The following DMD variants were observed in gnomAD, a reference collection of about 807,000 sequenced individuals.
The protein encoded by DMD is mutant dystrophin.
DMD carries 63 observed loss-of-function variants against 330.1 expected under a neutral mutation model. The observed-to-expected ratio is 0.19, with a 90% CI of 0.16 to 0.24. The LOEUF is 0.24. DMD is among the 10% of genes least tolerant of loss of function. The probability of loss-of-function intolerance (pLI) is 1.00; values close to 1 mark genes in which losing one functional copy is unlikely to be tolerated. For synonymous variants in DMD, 1,223 were observed against 959.8 expected, an observed-to-expected ratio of 1.27 and a Z score of -5.07; for missense variants, 3,344 against 2,684.1, an observed-to-expected ratio of 1.25 and a Z score of -5.43.
At chrX:32,776,753 T>C (rs1245120720) in intron 7 of DMD, among the ~76,000 whole-genome samples, 2 of 111,828 alleles carry the variant, frequency 1.8e-5, no homozygotes, top group Non-Finnish European at 3.8e-5. Flanking sequence ...TATCAACTTA[T>C]TAATGCAGAA....
intron 1 of DMD, among the ~76,000 whole-genome samples, chrX:33,201,220 C>A: frequency 9.0e-6 from 1 of 111,149 alleles, no homozygotes; most frequent in Admixed American, 9.6e-5. Context: ...CATGAGCCAC[C>A]GCGACCAGCC....
At chrX:32,822,665 G>A (rs1255903570) in intron 5 of DMD, among the ~76,000 whole-genome samples, 1 of 109,278 alleles carries the variant, frequency 9.2e-6, no homozygotes, top group East Asian at 2.9e-4. Flanking sequence ...GTATATATGT[G>A]TGTATATATA....
intron 20 of DMD, among the ~76,000 whole-genome samples, chrX:32,486,514 T>A (rs1043312445): frequency 1.6e-4 from 18 of 110,877 alleles, no homozygotes; most frequent in Admixed American, 2.9e-4. Flanking sequence ...AAAGTTCATA[T>A]GGAACCAAAA....
At chrX:32,542,797 T>G (rs2048605993) in intron 17 of DMD, among the ~76,000 whole-genome samples, 1 of 112,200 alleles carries the variant, frequency 8.9e-6, no homozygotes, top group Non-Finnish European at 1.9e-5. Flanking sequence ...CTATCTTCGT[T>G]CAGTCTAAAT....
chrX:32,089,885 A>T (rs2096464258), intron 44 of DMD, among the ~76,000 whole-genome samples: 1 of 111,813 alleles, frequency 8.9e-6, no homozygotes, highest in Non-Finnish European at 1.9e-5. Context: ...TCAACGACCG[A>T]ACTAATTTAC....
chrX:32,183,571 A>AAAT (rs2096934814), intron 44 of DMD, among the ~76,000 whole-genome samples: 10 of 95,127 alleles, frequency 1.1e-4, no homozygotes, highest in African/African-American at 3.7e-4. Context: ...TATATATATA[A>AAAT]ATATATATAT....
chrX:31,445,993 C>G (rs1765842996), intron 59 of DMD, among the ~76,000 whole-genome samples: 1 of 111,959 alleles, frequency 8.9e-6, no homozygotes, highest in Non-Finnish European at 1.9e-5. Flanking sequence ...CTTGCTTGAT[C>G]TGGGCAGGTG....
chrX:31,433,862 T>TTC (rs1293449297), intron 60 of DMD, among the ~76,000 whole-genome samples: 7 of 112,054 alleles, frequency 6.2e-5, no homozygotes, highest in African/African-American at 2.3e-4. Context: ...ATAGTTTTTT[T>TTC]CCCCTAATTT....
rs1226368643 is a variant in DMD at position 31,721,718 on chromosome X, C to CTA, written c.7660+7911_7660+7912dup. ...TCTCTCTCTCTCTCTCTCTCTCTCT[C>CTA]TATATATATATATATATATATATAT... On this transcript the variant is annotated intron_variant, in intron 52 of 78. Transcript: ENST00000357033. 6.8e-3 allele frequency among the ~76,000 whole-genome samples: 386 copies of CTA among 56,441 alleles called. 1 individual carries two copies. The highest frequency in any genetic ancestry group is 0.013 in the Admixed American group (45 of 3,427). 49.0% of individuals were successfully genotyped at this position (56,441 alleles called of 115,157 possible).
At position 32,655,141 on chromosome X, in the gene DMD, G is replaced by C. The variant is rs1020637152; in HGVS notation, c.961-9989C>G. On this transcript the variant is annotated intron_variant, in intron 9 of 78. Transcript: ENST00000357033. ...GCTTTTTGTGTCTCTATTTCCTTCA[G>C]TTGGGCTCTGATCTTAGTTATTTCT... Among the ~76,000 whole-genome samples the C allele has an allele frequency of 8.0e-4, 89 of 111,125 alleles. 1 individual carries two copies. Among genetic ancestry groups the C allele is most frequent in the African/African-American group, 2.7e-3 (82 of 30,462 alleles).
At chrX:31,277,625 A>G (rs895728048) in intron 62 of DMD, among the ~76,000 whole-genome samples, 9 of 111,301 alleles carry the variant, frequency 8.1e-5, no homozygotes, top group African/African-American at 2.9e-4. Flanking sequence ...GACATAAGCC[A>G]GGAACATGAT....
At chrX:31,193,897 T>C (rs1453626374) in intron 67 of DMD, among the ~76,000 whole-genome samples, 1 of 111,451 alleles carries the variant, frequency 9.0e-6, no homozygotes, top group Non-Finnish European at 1.9e-5. Flanking sequence ...AATGTCAACG[T>C]CAGCCCGGCG....
chrX:33,237,039 A>T (rs2052496260), intron 1 of DMD, among the ~76,000 whole-genome samples: 1 of 111,611 alleles, frequency 9.0e-6, no homozygotes, highest in South Asian at 3.7e-4. Context: ...AAGTAAGGAT[A>T]GACTATGTCA....
intron 9 of DMD, among the ~76,000 whole-genome samples, chrX:32,695,049 C>T (rs1408878507): frequency 8.9e-6 from 1 of 112,240 alleles, no homozygotes; most frequent in Non-Finnish European, 1.9e-5. Context: ...GATTGTTTTG[C>T]ATGTTTATGT....
At chrX:31,338,808 C>T (rs2057550408) in intron 61 of DMD, among the ~76,000 whole-genome samples, 1 of 110,170 alleles carries the variant, frequency 9.1e-6, no homozygotes, top group African/African-American at 3.3e-5. Flanking sequence ...GATGAGTGGT[C>T]ACTCTGCAAC....
intron 44 of DMD, among the ~76,000 whole-genome samples, chrX:32,019,986 T>G (rs1366179871): frequency 1.8e-5 from 2 of 112,671 alleles, no homozygotes; most frequent in Non-Finnish European, 3.7e-5. Context: ...ATGTTCATTT[T>G]GCCTATGGAT....
At chrX:32,761,207 C>A (rs1018395947) in intron 7 of DMD, among the ~76,000 whole-genome samples, 1 of 111,759 alleles carries the variant, frequency 8.9e-6, no homozygotes, top group Non-Finnish European at 1.9e-5. Flanking sequence ...ACCCACCTGG[C>A]CTATCCAGGG....
At chrX:31,374,604 T>C (rs2148677563) in intron 60 of DMD, among the ~76,000 whole-genome samples, 1 of 91,387 alleles carries the variant, frequency 1.1e-5, no homozygotes, top group Admixed American at 1.4e-4. Flanking sequence ...TTCTCACTCA[T>C]AGGTGGGAAT....
At chrX:33,103,270 T>C (rs769191907) in intron 1 of DMD, among the ~76,000 whole-genome samples, 6 of 111,745 alleles carry the variant, frequency 5.4e-5, no homozygotes, top group Non-Finnish European at 1.1e-4. Flanking sequence ...TTTCCATAAC[T>C]GACCTGTCAG....
Sources: gnomAD v4.1 joint callset for allele counts (sites outside exome capture counted in the v4.1 genomes callset) on GRCh38, gnomAD v4.1.1 for gene constraint, MANE v1.5 for transcripts, NCBI Gene and HGNC (gene_info 2026-07-23, HGNC 2026-07-21) for gene names.